The following NEGR1 variants were observed in gnomAD, a reference collection of about 807,000 sequenced individuals.
NEGR1 encodes IgLON family member 4.
Under a neutral mutation model 40.9 loss-of-function variants are expected in NEGR1, and 10 were observed. The ratio of observed to expected loss-of-function variants is 0.24; its 90% CI spans 0.15 to 0.42. The LOEUF (loss-of-function observed/expected upper bound fraction) is 0.42, where lower values mean the gene tolerates loss of function less well. Ranked by LOEUF, NEGR1 falls within the 10% of genes least tolerant of loss-of-function variation. NEGR1 has a pLI of 1.00. For missense variants in NEGR1, 352 were observed against 438.9 expected (o/e 0.80, Z 1.77); for synonymous variants, 185 against 166.8 (o/e 1.11, Z -0.84).
chr1:71,702,997 G>A (rs2101633911), intron 3 of NEGR1, among the ~76,000 whole-genome samples: 1 of 152,116 alleles, frequency 6.6e-6, no homozygotes, highest in East Asian at 1.9e-4. Context: ...TAGACAAAAA[G>A]CTACAGAAAT....
chr1:71,958,440 T>C (rs565172313), intron 1 of NEGR1, among the ~76,000 whole-genome samples: 4 of 152,252 alleles, frequency 2.6e-5, no homozygotes, highest in South Asian at 2.1e-4. Flanking sequence ...CTATGAAATA[T>C]AAGAGAAAAG....
At chr1:72,152,678 G>T (rs1651168355) in intron 1 of NEGR1, among the ~76,000 whole-genome samples, 1 of 151,902 alleles carries the variant, frequency 6.6e-6, no homozygotes, top group South Asian at 2.1e-4. Context: ...GTACTTATAT[G>T]TTCATAGCTG....
At chr1:71,985,123 C>A (rs188142713) in intron 1 of NEGR1, among the ~76,000 whole-genome samples, 9 of 152,266 alleles carry the variant, frequency 5.9e-5, no homozygotes, top group African/African-American at 2.2e-4. Flanking sequence ...CTCTACATCA[C>A]ACTACATTAA....
intron 1 of NEGR1, among the ~76,000 whole-genome samples, chr1:72,135,383 A>AAAAAAC (rs1557544290): frequency 2.2e-4 from 31 of 142,820 alleles, no homozygotes; most frequent in African/African-American, 6.2e-4. Flanking sequence ...CTCAAAAAAA[A>AAAAAAC]AAAAAACAAA....
At chr1:71,706,108 C>A (rs868265551) in intron 3 of NEGR1, among the ~76,000 whole-genome samples, 4 of 152,326 alleles carry the variant, frequency 2.6e-5, no homozygotes, top group Middle Eastern at 6.8e-3. Context: ...ATCACCAATG[C>A]CAGCCACCCC....
chr1:71,683,832 TA>T (rs1208550399), intron 4 of NEGR1, among the ~76,000 whole-genome samples: 1 of 152,028 alleles, frequency 6.6e-6, no homozygotes, highest in Non-Finnish European at 1.5e-5. Flanking sequence ...TTTGAGGATT[TA>T]AACTTTTATT....
At chr1:72,241,430 T>C (rs1654740487) in intron 1 of NEGR1, among the ~76,000 whole-genome samples, 1 of 151,696 alleles carries the variant, frequency 6.6e-6, no homozygotes, top group Admixed American at 6.6e-5. Flanking sequence ...CTTTGTTTTT[T>C]TCTTTTGACC....
intron 4 of NEGR1, among the ~76,000 whole-genome samples, chr1:71,690,683 T>C (rs888004940): frequency 7.1e-5 from 10 of 140,298 alleles, no homozygotes; most frequent in Non-Finnish European, 1.1e-4. Context: ...TTTGCCGTTG[T>C]TTGTTCTTTC....
At chr1:71,717,505 C>G (rs1418320959) in intron 3 of NEGR1, among the ~76,000 whole-genome samples, 1 of 152,174 alleles carries the variant, frequency 6.6e-6, no homozygotes, top group Non-Finnish European at 1.5e-5. Flanking sequence ...TGTGCCATAT[C>G]TTTCCTGATT....
At chr1:71,643,703 C>A (rs1306855433) in intron 4 of NEGR1, among the ~76,000 whole-genome samples, 2 of 151,968 alleles carry the variant, frequency 1.3e-5, no homozygotes, top group Non-Finnish European at 2.9e-5. Context: ...TAAACTTCTT[C>A]AAATTCAGGC....
intron 1 of NEGR1, among the ~76,000 whole-genome samples, chr1:72,054,749 T>A (rs1647095164): frequency 1.3e-5 from 2 of 151,378 alleles, no homozygotes; most frequent in Middle Eastern, 6.8e-3. Context: ...CCACATTTTT[T>A]ATACATAAAA....
At chr1:72,144,463 CATAAACT>C (rs1650833403) in intron 1 of NEGR1, among the ~76,000 whole-genome samples, 1 of 151,424 alleles carries the variant, frequency 6.6e-6, no homozygotes, top group South Asian at 2.1e-4. Flanking sequence ...CATATATGCA[CATAAACT>C]GTAAATGCTA....
chr1:72,095,857 C>G (rs2100231956), intron 1 of NEGR1, among the ~76,000 whole-genome samples: 1 of 152,164 alleles, frequency 6.6e-6, no homozygotes, highest in East Asian at 1.9e-4. Context: ...TGGAATGGCT[C>G]TTCTTTCCCT....
chr1:72,011,854 A>G (rs1272615112), intron 1 of NEGR1, among the ~76,000 whole-genome samples: 1 of 152,130 alleles, frequency 6.6e-6, no homozygotes, highest in Non-Finnish European at 1.5e-5. Flanking sequence ...AATAGCCTAA[A>G]GTGTGCAGGG....
At chr1:71,589,884 C>A (rs1649440879) in intron 6 of NEGR1, among the ~76,000 whole-genome samples, 1 of 152,086 alleles carries the variant, frequency 6.6e-6, no homozygotes, top group Admixed American at 6.6e-5. Context: ...CAGGATACAG[C>A]CAAAACTCAT....
At chr1:72,185,370 T>C (rs1316454104) in intron 1 of NEGR1, among the ~76,000 whole-genome samples, 2 of 151,922 alleles carry the variant, frequency 1.3e-5, no homozygotes, top group Non-Finnish European at 2.9e-5. Context: ...TTCAACAAAA[T>C]ATGACATAAT....
At chr1:71,771,699 CAA>C (rs60830449) in intron 3 of NEGR1, among the ~76,000 whole-genome samples, 8 of 12,096 alleles carry the variant, frequency 6.6e-4, no homozygotes, top group African/African-American at 1.4e-3. Context: ...GACTTAGTCT[CAA>C]AAAAAAAAAA....
intron 3 of NEGR1, chr1:71,738,219 C>A: frequency 5.0e-6 from 1 of 198,678 alleles, no homozygotes; most frequent in Non-Finnish European, 1.1e-5. Flanking sequence ...CATTTGTGAA[C>A]GAAGTGGAAT....
intron 1 of NEGR1, among the ~76,000 whole-genome samples, chr1:72,218,836 T>C (rs1653915504): frequency 6.6e-6 from 1 of 152,060 alleles, no homozygotes; most frequent in Non-Finnish European, 1.5e-5. Flanking sequence ...TGTTGCAGTC[T>C]TGAAATGCAT....
Sources: gnomAD v4.1 joint callset for allele counts (sites outside exome capture counted in the v4.1 genomes callset) on GRCh38, gnomAD v4.1.1 for gene constraint, MANE v1.5 for transcripts, NCBI Gene and HGNC (gene_info 2026-07-23, HGNC 2026-07-21) for gene names.